Variants in NEXMIF observed in about 807,000 individuals in gnomAD.
NEXMIF encodes neurite extension and migration factor.
A neutral mutation model predicts 62.1 loss-of-function variants in NEXMIF; 8 were observed. That is an observed-to-expected ratio of 0.13 (90% CI 0.08 to 0.23). NEXMIF has a LOEUF of 0.23. Ranked by LOEUF, NEXMIF falls within the 10% of genes least tolerant of loss-of-function variation. The pLI, the probability that NEXMIF is intolerant of heterozygous loss-of-function variation, is 1.00. For synonymous variants in NEXMIF, 404 were observed against 416.6 expected, an observed-to-expected ratio of 0.97 and a Z score of 0.37; for missense variants, 976 against 1,113.3, an observed-to-expected ratio of 0.88 and a Z score of 1.75.
intron 1 of NEXMIF, among the ~76,000 whole-genome samples, chrX:74,879,856 C>T (rs886898839): frequency 1.8e-5 from 2 of 112,124 alleles, no homozygotes; most frequent in Admixed American, 1.9e-4. Flanking sequence ...ATAAAACACT[C>T]AAACTTGATA....
intron 1 of NEXMIF, among the ~76,000 whole-genome samples, chrX:74,898,514 G>T (rs1048030202): frequency 5.4e-5 from 6 of 111,427 alleles, no homozygotes; most frequent in Admixed American, 1.9e-4. Flanking sequence ...AAGGACATTA[G>T]AAGAAAACTG....
intron 1 of NEXMIF, among the ~76,000 whole-genome samples, chrX:74,862,616 A>G (rs1460130505): frequency 8.9e-6 from 1 of 111,864 alleles, no homozygotes; most frequent in African/African-American, 3.2e-5. Flanking sequence ...ATGCAAAAGG[A>G]CTGATATCAT....
At position 74,740,567 on chromosome X, in the gene NEXMIF, C is replaced by T. The variant is rs112682422; in HGVS notation, c.3990G>A (p.Val1330=). The T allele has an allele frequency of 8.3e-7, 1 of 1,211,888 alleles. No individual in the cohort carries two copies. The highest frequency in any genetic ancestry group is 1.8e-5 in the South Asian group (1 of 56,986). Residue 1330 remains valine (V), a synonymous_variant, in exon 3 of 4, where the codon GTG becomes GTA. Coordinates refer to ENST00000055682, the MANE Select transcript of NEXMIF (RefSeq NM_001008537.3). The part of the protein sequence containing the change: ...LSNIASGMAD[V]QRFMMASIEP... The stretch of plus-strand genomic sequence containing the variant: ...CTATGGAGGCCATCATGAATCTCTG[C>T]ACATCTGCCATACCAGAGGCAATGT...
At chrX:74,795,993 A>C (rs1462450826) in intron 1 of NEXMIF, among the ~76,000 whole-genome samples, 1 of 100,638 alleles carries the variant, frequency 9.9e-6, no homozygotes, top group African/African-American at 3.6e-5. Flanking sequence ...GTGGAAGCTA[A>C]GTTTGTCATT....
At chrX:74,826,391 A>G (rs1233920292) in intron 1 of NEXMIF, among the ~76,000 whole-genome samples, 1 of 111,669 alleles carries the variant, frequency 9.0e-6, no homozygotes, top group African/African-American at 3.3e-5. Context: ...ATTTGTTGAA[A>G]TTCCTTATAG....
At chrX:74,895,822 G>A in intron 1 of NEXMIF, among the ~76,000 whole-genome samples, 1 of 104,731 alleles carries the variant, frequency 9.5e-6, no homozygotes, top group Non-Finnish European at 1.9e-5. Flanking sequence ...AGCGGGGGCG[G>A]TGGCTACTGT....
chrX:74,793,064 C>G (rs1339874662), intron 1 of NEXMIF, among the ~76,000 whole-genome samples: 34 of 109,539 alleles, frequency 3.1e-4, no homozygotes, highest in Admixed American at 2.5e-3. Flanking sequence ...CAGTTTCTTC[C>G]TAGTCTTGAT....
chrX:74,919,509 TA>T (rs980993516), intron 1 of NEXMIF, among the ~76,000 whole-genome samples: 33 of 111,628 alleles, frequency 3.0e-4, no homozygotes, highest in African/African-American at 1.0e-3. Context: ...GAGGGTAAAA[TA>T]AGTATGCTGG....
chrX:74,747,245 C>A (rs745496639), intron 1 of NEXMIF, among the ~76,000 whole-genome samples: 2 of 111,555 alleles, frequency 1.8e-5, no homozygotes, highest in African/African-American at 6.5e-5. Flanking sequence ...AATTTAATGT[C>A]TTCTTATCCC....
At chrX:74,793,405 A>G (rs1324376135) in intron 1 of NEXMIF, among the ~76,000 whole-genome samples, 1 of 108,206 alleles carries the variant, frequency 9.2e-6, no homozygotes, top group Non-Finnish European at 1.9e-5. Flanking sequence ...GGCTGCCCTT[A>G]ACATTTTTTC....
At chrX:74,759,451 A>G (rs1003139399) in intron 1 of NEXMIF, among the ~76,000 whole-genome samples, 12 of 112,272 alleles carry the variant, frequency 1.1e-4, no homozygotes, top group African/African-American at 3.9e-4. Flanking sequence ...CTTTGTCATG[A>G]AATCTTTGCC....
chrX:74,794,556 C>T (rs1023839733), intron 1 of NEXMIF, among the ~76,000 whole-genome samples: 5 of 112,402 alleles, frequency 4.4e-5, no homozygotes, highest in African/African-American at 6.5e-5. Context: ...TGGGCAATGG[C>T]GAGCGCCCCT....
At chrX:74,805,795 T>C (rs2080343076) in intron 1 of NEXMIF, among the ~76,000 whole-genome samples, 3 of 112,077 alleles carry the variant, frequency 2.7e-5, no homozygotes, top group African/African-American at 9.7e-5. Flanking sequence ...ATTACAGGTG[T>C]TTGGCTTCAT....
At chrX:74,878,127 C>G (rs1051461585) in intron 1 of NEXMIF, among the ~76,000 whole-genome samples, 3 of 111,157 alleles carry the variant, frequency 2.7e-5, no homozygotes, top group Non-Finnish European at 5.7e-5. Flanking sequence ...GTTTTATCTA[C>G]TTTTGGTCTT....
intron 1 of NEXMIF, among the ~76,000 whole-genome samples, chrX:74,871,291 A>G (rs2080599938): frequency 1.8e-5 from 2 of 111,390 alleles, no homozygotes; most frequent in South Asian, 3.8e-4. Context: ...GCAAGTTTTT[A>G]TTAGGGATTT....
chrX:74,812,394 G>A (rs1438409648), intron 1 of NEXMIF, among the ~76,000 whole-genome samples: 1 of 111,597 alleles, frequency 9.0e-6, no homozygotes, highest in Non-Finnish European at 1.9e-5. Flanking sequence ...AAACTTCTTT[G>A]TTAGTTCCTT....
At chrX:74,915,032 G>A (rs1030870887) in intron 1 of NEXMIF, among the ~76,000 whole-genome samples, 1 of 112,126 alleles carries the variant, frequency 8.9e-6, no homozygotes, top group Non-Finnish European at 1.9e-5. Context: ...AGTTTGATAT[G>A]GCAAAGGAGT....
chrX:74,906,362 G>A (rs1210146272), intron 1 of NEXMIF, among the ~76,000 whole-genome samples: 3 of 110,757 alleles, frequency 2.7e-5, no homozygotes, highest in Non-Finnish European at 3.8e-5. Context: ...GGGTGCCTGG[G>A]GACCTTTTTG....
At chrX:74,892,546 T>G (rs2080721101) in intron 1 of NEXMIF, among the ~76,000 whole-genome samples, 1 of 112,161 alleles carries the variant, frequency 8.9e-6, no homozygotes. Context: ...CACTACTGAG[T>G]TATAGATACA....
Sources: allele counts gnomAD v4.1 joint callset (sites outside exome capture counted in the v4.1 genomes callset), GRCh38; gene constraint gnomAD v4.1.1; transcripts MANE v1.5; gene names NCBI Gene and HGNC (gene_info 2026-07-23, HGNC 2026-07-21).